Variants in KIF13A observed in about 807,000 individuals in gnomAD.
KIF13A encodes the protein kinesin-like protein KIF13A.
In KIF13A, 79 loss-of-function variants were observed where a neutral mutation model predicts 212.2. The observed-to-expected ratio is 0.37, with a 90% CI of 0.31 to 0.45. KIF13A has a LOEUF of 0.45. Ranked by LOEUF, KIF13A falls within the 20% of genes least tolerant of loss-of-function variation. The pLI is 1.00. For missense variants in KIF13A, 1,901 were observed against 2,209.0 expected (o/e 0.86, Z 2.79); for synonymous variants, 789 against 808.6 (o/e 0.98, Z 0.41).
In KIF13A at chr6:17,971,556, G is replaced by T. The variant is rs1779808491; in HGVS notation, c.146+15498C>A. Among the ~76,000 whole-genome samples the T allele has an allele frequency of 6.6e-6, 1 of 151,846 alleles. No individual in the cohort carries two copies. On this transcript the variant is annotated intron_variant, in intron 2 of 38. Transcript: ENST00000259711. The surrounding 1 kb of genome is among the most constrained non-coding windows in gnomAD (Gnocchi z 4.2). ...CCCATTTCAGCCCTGCAAGTAGCTG[G>T]GACTACAAGTGAGCACTACTACCAC...
rs576548747 is a variant in KIF13A, at chr6:17,872,899, G to A, written c.220+478C>T. On this transcript the variant is annotated intron_variant, in intron 4 of 38. Transcript: ENST00000259711. This position sits in a 1 kb window ranked among gnomAD's most constrained non-coding sequence, Gnocchi z 4.7. ...GATCCGCCCACCTCGGCCTCCCAAA[G>A]TGCTGGGATTACAGATGTGAGCCAC... is the stretch of plus-strand genomic sequence containing the variant. 6.6e-6 allele frequency among the ~76,000 whole-genome samples: 1 copy of A among 152,100 alleles called. No individual in the cohort carries two copies. Among genetic ancestry groups the A allele is most frequent in the African/African-American group, 2.4e-5 (1 of 41,412 alleles).
In KIF13A at chr6:17,826,079, C is replaced by A. The variant is rs1253528325; in HGVS notation, c.1578G>T (p.Trp526Cys). Residue 526 changes from tryptophan to cysteine, a missense_variant, in exon 15 of 39, where the codon TGG becomes TGT. By Grantham distance (215) the Trp-to-Cys change is radical (BLOSUM62 -2). Transcript: ENST00000259711. The surrounding 1 kb of genome is among the most constrained non-coding windows in gnomAD (Gnocchi z 4.7). ...GTLVCSTTQL[W>C]HGDRILWGNN... Reference sequence around the variant, plus strand: ...TTCCCCATAGGATTCGGTCACCATGCCACAGCTGGGTGGTACTGCACACAA... The same window carrying A: ...TTCCCCATAGGATTCGGTCACCATGACACAGCTGGGTGGTACTGCACACAA... 1.9e-6 allele frequency: 3 copies of A among 1,613,980 alleles called. No homozygotes were observed. The highest frequency in any genetic ancestry group is 1.7e-5 in the Admixed American group (1 of 60,014).
chr6:17,954,706 T>G (rs1218878468), intron 2 of KIF13A, among the ~76,000 whole-genome samples: 1 of 152,168 alleles, frequency 6.6e-6, no homozygotes, highest in African/African-American at 2.4e-5. Flanking sequence ...AGGATCTCAC[T>G]CTTCTTGACC....
In KIF13A at chr6:17,829,670, A is replaced by G. The variant is rs1470897765; in HGVS notation, c.1402-1300T>C. Among the ~76,000 whole-genome samples, 1 of 152,174 alleles carries G rather than the reference A, an allele frequency of 6.6e-6. No homozygotes were observed. The highest frequency in any genetic ancestry group is 1.5e-5 in the Non-Finnish European group (1 of 68,046). ...CTATAATAATACCTCCCTATTTGAC[A>G]GAGAAAGTATAAGGATTGGTCTTTC... is the stretch of plus-strand genomic sequence containing the variant. On this transcript the variant is annotated intron_variant, in intron 13 of 38. Transcript: ENST00000259711. This position sits in a 1 kb window ranked among gnomAD's most constrained non-coding sequence, Gnocchi z 5.4.
chr6:17,944,337 C>T (rs1423253217), intron 2 of KIF13A, among the ~76,000 whole-genome samples: 2 of 152,152 alleles, frequency 1.3e-5, no homozygotes, highest in Non-Finnish European at 2.9e-5. Flanking sequence ...TTCTGAGTGC[C>T]CTCCTGAGTT....
intron 17 of KIF13A, among the ~76,000 whole-genome samples, chr6:17,812,822 G>A (rs906617182): frequency 3.9e-5 from 6 of 151,942 alleles, no homozygotes; most frequent in Non-Finnish European, 7.4e-5. Context: ...CCTTTTCTTC[G>A]CAACTTTGCC....
chr6:17,784,354 G>T (rs1346450025), intron 28 of KIF13A, among the ~76,000 whole-genome samples: 3 of 152,114 alleles, frequency 2.0e-5, no homozygotes, highest in African/African-American at 4.8e-5. Context: ...GGAGATCGAG[G>T]TTGCAGTGCA....
intron 3 of KIF13A, among the ~76,000 whole-genome samples, chr6:17,896,811 T>A (rs541470974): frequency 9.2e-5 from 14 of 152,328 alleles, no homozygotes; most frequent in South Asian, 4.1e-4. Context: ...AGCAGGCATA[T>A]GTGGAGTTGC....
At position 17,834,384 on chromosome 6, in the gene KIF13A, A is replaced by G. The variant is rs1198182865; in HGVS notation, c.1156-313T>C. ...TTCAACTTTGAAATAGATAAGCAGG[A>G]CAAAAGGTTACTTAAGCAGACTTCT... On this transcript the variant is annotated intron_variant, in intron 11 of 38. Coordinates refer to ENST00000259711, the MANE Select transcript of KIF13A (RefSeq NM_022113.6). This position sits in a 1 kb window ranked among gnomAD's most constrained non-coding sequence, Gnocchi z 4.0. Among the ~76,000 whole-genome samples, 1 of 152,256 alleles carries G rather than the reference A, an allele frequency of 6.6e-6. No individual in the cohort carries two copies. The highest frequency in any genetic ancestry group is 2.1e-4 in the South Asian group (1 of 4,836).
intron 20 of KIF13A, among the ~76,000 whole-genome samples, 185 bp downstream of exon 20, chr6:17,804,176 C>T (rs144877391): frequency 2.4e-4 from 27 of 114,346 alleles, no homozygotes; most frequent in Non-Finnish European, 3.7e-4. Flanking sequence ...ACAAACAAAA[C>T]CATGACTTAA....
chr6:17,791,387 T>C (rs1276740682), intron 25 of KIF13A, among the ~76,000 whole-genome samples: 1 of 150,580 alleles, frequency 6.6e-6, no homozygotes, highest in African/African-American at 2.4e-5. Context: ...TTTTTTTGCA[T>C]CAGAATAATT....
chr6:17,981,626 G>T (rs1781099311), intron 2 of KIF13A, among the ~76,000 whole-genome samples: 1 of 151,886 alleles, frequency 6.6e-6, no homozygotes, highest in Non-Finnish European at 1.5e-5. Flanking sequence ...GTTTCACAAT[G>T]TTGGCCAGGA....
At chr6:17,820,337 C>T (rs1335016147) in intron 16 of KIF13A, among the ~76,000 whole-genome samples, 1 of 152,228 alleles carries the variant, frequency 6.6e-6, no homozygotes, top group Admixed American at 6.5e-5. Context: ...TCACCACACA[C>T]AGCTACGGTG....
In KIF13A at chr6:17,764,907, T is replaced by A; in HGVS notation, c.4621A>T (p.Arg1541Trp). ...TAAGGCTGTGAACTTATTAGCTTCCTGTTAATAGCTTCCAGCTCATTTTCT... is the reference window on the plus strand; with the variant it reads ...TAAGGCTGTGAACTTATTAGCTTCCAGTTAATAGCTTCCAGCTCATTTTCT... ...EEENELEAINRKLISSQPYVP... is the reference protein window; with the variant it reads ...EEENELEAINWKLISSQPYVP... Residue 1541 changes from arginine to tryptophan, a missense_variant, in exon 39 of 39, where the codon AGG (arginine) becomes TGG (tryptophan). Arg to Trp is a moderately radical substitution (Grantham distance 101). Transcript: ENST00000259711. This position sits in a 1 kb window ranked among gnomAD's most constrained non-coding sequence, Gnocchi z 5.1. 6.2e-7 allele frequency: 1 copy of A among 1,613,246 alleles called. No individual in the cohort carries two copies. Among genetic ancestry groups the A allele is most frequent in the Admixed American group, 1.7e-5 (1 of 59,944 alleles).
rs1374941364 is a variant in KIF13A, at chr6:17,872,697, G to A, written c.220+680C>T. On this transcript the variant is annotated intron_variant, in intron 4 of 38. Coordinates refer to ENST00000259711, the MANE Select transcript of KIF13A (RefSeq NM_022113.6). The surrounding 1 kb of genome is among the most constrained non-coding windows in gnomAD (Gnocchi z 4.7). ...CTCACTCGGTCACCTAGGCTGTGGT[G>A]GGACCTCGGCTCACTGCAACCTCTG... Among the ~76,000 whole-genome samples the A allele has an allele frequency of 6.6e-6, 1 of 151,830 alleles. No homozygotes were observed. Among genetic ancestry groups the A allele is most frequent in the Non-Finnish European group, 1.5e-5 (1 of 67,976 alleles).
chr6:17,873,066 A>T (rs1770169623), intron 4 of KIF13A, among the ~76,000 whole-genome samples: 1 of 152,196 alleles, frequency 6.6e-6, no homozygotes, highest in African/African-American at 2.4e-5. Flanking sequence ...ACTGACTCCT[A>T]GGAAAGCCTA....
intron 3 of KIF13A, chr6:17,881,822 C>T: frequency 2.8e-6 from 1 of 350,934 alleles, no homozygotes; most frequent in Non-Finnish European, 5.6e-6. Flanking sequence ...ATGGTGAAAC[C>T]TTGTCTCTAC....
intron 6 of KIF13A, among the ~76,000 whole-genome samples, chr6:17,854,759 G>T (rs1767993649): frequency 1.3e-5 from 2 of 149,106 alleles, no homozygotes; most frequent in South Asian, 4.3e-4. Context: ...TGTCATGTTG[G>T]TCAGGCTGGT....
At chr6:17,868,619 T>A (rs1769655199) in intron 4 of KIF13A, among the ~76,000 whole-genome samples, 1 of 150,570 alleles carries the variant, frequency 6.6e-6, no homozygotes. Context: ...AAAAAAAAAA[T>A]TTTTGCTTCA....
Sources: gnomAD v4.1 joint callset for allele counts (sites outside exome capture counted in the v4.1 genomes callset) on GRCh38, gnomAD v4.1.1 for gene constraint, Gnocchi (gnomAD v3.1) non-coding constraint, MANE v1.5 for transcripts, NCBI Gene and HGNC (gene_info 2026-07-23, HGNC 2026-07-21) for gene names.